The following MYOM2 variants were observed in gnomAD, a reference collection of about 807,000 sequenced individuals.
The protein encoded by MYOM2 is myomesin 2, also known as myomesin-2.
Under a neutral mutation model 187.6 loss-of-function variants are expected in MYOM2, and 254 were observed. That is an observed-to-expected ratio of 1.35 (90% CI 1.22 to 1.50). MYOM2 has a LOEUF of 1.50. MYOM2 is among the 40% of genes most tolerant of loss of function. The pLI is 0.00. For missense variants in MYOM2, 2,796 were observed against 1,924.0 expected (o/e 1.45, Z -8.48); for synonymous variants, 981 against 753.8 (o/e 1.30, Z -4.94).
intron 6 of MYOM2, among the ~76,000 whole-genome samples, chr8:2,064,315 T>A (rs1396320973): frequency 1.3e-5 from 2 of 152,126 alleles, no homozygotes; most frequent in African/African-American, 4.8e-5. Context: ...TCATACAGTA[T>A]GAAACAAGGT....
At chr8:2,083,483 T>A (rs1819704580) in intron 13 of MYOM2, among the ~76,000 whole-genome samples, 1 of 151,306 alleles carries the variant, frequency 6.6e-6, no homozygotes, top group Non-Finnish European at 1.5e-5. Flanking sequence ...CTCGCATATG[T>A]CTAATGGCAT....
intron 6 of MYOM2, among the ~76,000 whole-genome samples, chr8:2,060,012 G>A (rs1818800293): frequency 6.6e-6 from 1 of 152,158 alleles, no homozygotes. Flanking sequence ...AAAGTGCTGG[G>A]ATTATAGGCA....
intron 9 of MYOM2, among the ~76,000 whole-genome samples, chr8:2,073,028 C>T (rs1476588556): frequency 1.3e-5 from 2 of 152,182 alleles, no homozygotes; most frequent in Admixed American, 6.5e-5. Context: ...GGGCAGTGGC[C>T]GTCCAGCAGA....
intron 23 of MYOM2, among the ~76,000 whole-genome samples, chr8:2,107,656 TGAG>T (rs1796939496): frequency 6.6e-6 from 1 of 152,096 alleles, no homozygotes; most frequent in African/African-American, 2.4e-5. Context: ...GGCAGACAAA[TGAG>T]GAGGCCGCAC....
intron 14 of MYOM2, 140 bp downstream of exon 14, chr8:2,085,530 G>GTTTTAAAGATGACCTACT: frequency 4.0e-6 from 2 of 501,536 alleles, no homozygotes; most frequent in Admixed American, 4.3e-5. Context: ...CCACTGTTGT[G>GTTTTAAAGATGACCTACT]ATCTCTGCGT....
intron 25 of MYOM2, among the ~76,000 whole-genome samples, chr8:2,110,134 G>A (rs1169555752): frequency 1.3e-5 from 2 of 152,162 alleles, no homozygotes; most frequent in Non-Finnish European, 2.9e-5. Context: ...ACCAGCCTGG[G>A]CAACATAAGG....
In MYOM2 at chr8:2,051,405, C is replaced by T. The variant is rs533948780; in HGVS notation, c.107+532C>T. ...TGGCCTCATACAGGATGGCAGCTCA[C>T]GCCCCCATGGACACTGTTTGTGTAG... On this transcript the variant is annotated intron_variant, in intron 2 of 36. Coordinates refer to ENST00000262113, the MANE Select transcript of MYOM2 (RefSeq NM_003970.4). 9.9e-5 allele frequency among the ~76,000 whole-genome samples: 15 copies of T among 152,238 alleles called. No homozygotes were observed. In the East Asian group the frequency reaches 1.6e-3, roughly 16 times the overall value.
intron 1 of MYOM2, among the ~76,000 whole-genome samples, chr8:2,046,897 G>A (rs150182022): frequency 1.3e-5 from 2 of 152,090 alleles, no homozygotes; most frequent in African/African-American, 4.8e-5. Context: ...TCTTTATAGT[G>A]TCATAAATAG....
At chr8:2,091,566 T>A (rs1229529926) in intron 15 of MYOM2, among the ~76,000 whole-genome samples, 2 of 152,168 alleles carry the variant, frequency 1.3e-5, no homozygotes, top group Non-Finnish European at 2.9e-5. Context: ...CCCTCCACCC[T>A]CTCTCTGTCG....
chr8:2,086,342 T>TGATCTCCGCGTGGCCCCCCACAGTC (rs1796048805), intron 14 of MYOM2, among the ~76,000 whole-genome samples: 3 of 8,226 alleles, frequency 3.6e-4, no homozygotes, highest in African/African-American at 7.1e-4. Flanking sequence ...CCCCCACTGT[T>TGATCTCCGCGTGGCCCCCCACAGTC]GTGATCTCTG....
chr8:2,127,745 G>T (rs991974239), intron 31 of MYOM2: 4 of 142,550 alleles, frequency 2.8e-5, no homozygotes, highest in Non-Finnish European at 6.1e-5. Context: ...GTACCTCGGC[G>T]TGACGCGGTG....
chr8:2,045,404 G>C (rs1241387481), intron 1 of MYOM2, among the ~76,000 whole-genome samples: 1 of 152,176 alleles, frequency 6.6e-6, no homozygotes. Context: ...CGTGGTCTTT[G>C]CTAAGTGCCG....
Position 2,100,958 on chromosome 8 carries a change from C to T in MYOM2, c.2523C>T (p.Ser841=). 1 of 1,614,204 alleles carries T rather than the reference C, an allele frequency of 6.2e-7. No homozygotes were observed. The highest frequency in any genetic ancestry group is 8.5e-7 in the Non-Finnish European group (1 of 1,180,040). ...GGAAGGCCCCTGTGTACTCCGGCAG[C>T]AGCCCTGTTTCTGGATATTTCGTGG... is the stretch of plus-strand genomic sequence containing the variant. The part of the protein sequence containing the change: ...MLWKAPVYSG[S]SPVSGYFVDF... The change falls in exon 20 of 37, where the codon AGC becomes AGT. Residue 841 remains serine (S), a synonymous_variant. Transcript: ENST00000262113.
intron 13 of MYOM2, among the ~76,000 whole-genome samples, chr8:2,080,445 G>C (rs1489380566): frequency 2.0e-5 from 3 of 152,202 alleles, no homozygotes; most frequent in Non-Finnish European, 2.9e-5. Flanking sequence ...CAAAACAAAT[G>C]TATGTCCCTA....
chr8:2,133,225 G>T (rs1243459702), intron 32 of MYOM2, among the ~76,000 whole-genome samples: 2 of 152,212 alleles, frequency 1.3e-5, no homozygotes. Context: ...CTTCCCAAAG[G>T]AGGTCTGCAT....
At position 2,072,370 on chromosome 8, in the gene MYOM2, C is replaced by T. The variant is rs973847309; in HGVS notation, c.819C>T (p.Tyr273=). The T allele has an allele frequency of 1.9e-5, 30 of 1,613,584 alleles. No homozygotes were observed. Among genetic ancestry groups the T allele is most frequent in the Middle Eastern group, 1.6e-4 (1 of 6,084 alleles). Reference sequence around the variant, plus strand: ...TGCCCCTGTCATCGATGATTCCGTACACGCACTTCGACGTCCAGTTTTTGG... The same window carrying T: ...TGCCCCTGTCATCGATGATTCCGTATACGCACTTCGACGTCCAGTTTTTGG... The part of the protein sequence containing the change: ...IGLPLSSMIP[Y]THFDVQFLEK... Residue 273 remains tyrosine (Y), a synonymous_variant, in exon 9 of 37, where the codon TAC becomes TAT. Transcript: ENST00000262113.
chr8:2,082,333 G>A (rs916281114), intron 13 of MYOM2, among the ~76,000 whole-genome samples: 11 of 152,136 alleles, frequency 7.2e-5, no homozygotes, highest in African/African-American at 1.7e-4. Context: ...GAACCATTTC[G>A]GGATTCAAGA....
intron 6 of MYOM2, among the ~76,000 whole-genome samples, chr8:2,063,471 T>C (rs1242353251): frequency 6.6e-6 from 1 of 152,246 alleles, no homozygotes; most frequent in Non-Finnish European, 1.5e-5. Flanking sequence ...ATGGGACTCA[T>C]GATGTGAGCC....
At chr8:2,124,028 A>C (rs911482239) in intron 30 of MYOM2, 151 bp from the exon 31 acceptor site, 3 of 776,630 alleles carry the variant, frequency 3.9e-6, no homozygotes, top group African/African-American at 1.8e-5. Flanking sequence ...TATCGCACAC[A>C]TAAGTCTTTT....
Sources: gnomAD v4.1 joint callset for allele counts (sites outside exome capture counted in the v4.1 genomes callset) on GRCh38, gnomAD v4.1.1 for gene constraint, MANE v1.5 for transcripts, NCBI Gene and HGNC (gene_info 2026-07-23, HGNC 2026-07-21) for gene names.